Variants in SUCO observed in about 807,000 individuals in gnomAD.
SUCO encodes the protein SUN domain containing ossification factor.
SUCO carries 57 observed loss-of-function variants against 148.1 expected under a neutral mutation model. The observed-to-expected ratio is 0.38, with a 90% CI of 0.31 to 0.48. The LOEUF is 0.48. Among genes scored for constraint, SUCO ranks in the 20% least tolerant of loss-of-function variants. SUCO has a pLI of 0.96. For synonymous variants in SUCO, 470 were observed against 502.7 expected, an observed-to-expected ratio of 0.93 and a Z score of 0.87; for missense variants, 1,331 against 1,468.2, an observed-to-expected ratio of 0.91 and a Z score of 1.53.
rs960252878 is a variant in SUCO at position 172,610,809 on chromosome 1, C to G, written c.*550C>G. 3 of 152,582 alleles carry G rather than the reference C, an allele frequency of 2.0e-5. No homozygotes were observed. Among genetic ancestry groups the G allele is most frequent in the Non-Finnish European group, 4.4e-5 (3 of 68,030 alleles). 9.5% of individuals were successfully genotyped at this position (152,582 alleles called of 1,614,324 possible). ...GATCCTAAAAACTTGCCAACTGGAT[C>G]TTTGTTTAGCAAACTCACTGGAAAT... On this transcript the variant is annotated 3_prime_UTR_variant, in exon 24 of 24. Coordinates refer to ENST00000263688, the MANE Select transcript of SUCO (RefSeq NM_014283.5).
intron 1 of SUCO, among the ~76,000 whole-genome samples, chr1:172,542,314 G>A (rs1373354537): frequency 1.3e-5 from 2 of 152,102 alleles, no homozygotes; most frequent in South Asian, 2.1e-4. Context: ...CCTAGGAGAC[G>A]GAGGTTGCGG....
chr1:172,551,586 A>G lies in SUCO; in HGVS notation c.137A>G (p.Asn46Ser). 6.2e-7 allele frequency: 1 copy of G among 1,609,936 alleles called. No homozygotes were observed. Among genetic ancestry groups the G allele is most frequent in the Non-Finnish European group, 8.5e-7 (1 of 1,177,758 alleles). Residue 46 changes from asparagine to serine, a missense_variant, in exon 2 of 24, where the codon AAC (asparagine) becomes AGC (serine). Asn to Ser is a conservative substitution (Grantham distance 46). Coordinates refer to ENST00000263688, the MANE Select transcript of SUCO (RefSeq NM_014283.5). The stretch of plus-strand genomic sequence containing the variant: ...TCATCATATTACTCTCAAGATGACA[A>G]CTGCGCACTAGAAAATGAAGATGTA... ...SASSYYSQDD[N>S]CALENEDVQF...
At chr1:172,547,417 T>TG (rs1296456718) in intron 1 of SUCO, among the ~76,000 whole-genome samples, 2 of 152,208 alleles carry the variant, frequency 1.3e-5, no homozygotes, top group Admixed American at 1.3e-4. Flanking sequence ...AAAGTAGAAT[T>TG]GCAACTGCTG....
chr1:172,546,570 C>A (rs1571186072), intron 1 of SUCO, among the ~76,000 whole-genome samples: 1 of 152,218 alleles, frequency 6.6e-6, no homozygotes, highest in East Asian at 1.9e-4. Flanking sequence ...CAAGTTTTAA[C>A]CCCCGGTCCC....
chr1:172,547,736 T>TA (rs1159874287), intron 1 of SUCO, among the ~76,000 whole-genome samples: 12 of 152,188 alleles, frequency 7.9e-5, no homozygotes. Context: ...AAAGGAATTC[T>TA]AAAAAAGACA....
rs144129476 is a variant in SUCO, at chr1:172,548,106, G to C, written c.63-3406G>C. Among the ~76,000 whole-genome samples, 111 of 152,024 alleles carry C rather than the reference G, an allele frequency of 7.3e-4. 2 individuals are homozygous for C. The East Asian group carries it at 0.018, about 24-fold the overall frequency. ...GGTTTGAATTTTCTCCTGTGTGTGA[G>C]AAGTTGATAGATCCATTCAAGTTTA... On this transcript the variant is annotated intron_variant, in intron 1 of 23. Transcript: ENST00000263688.
chr1:172,544,511 A>G (rs1652719087), intron 1 of SUCO, among the ~76,000 whole-genome samples: 4 of 152,182 alleles, frequency 2.6e-5, no homozygotes, highest in African/African-American at 9.7e-5. Flanking sequence ...GAAATCAGGA[A>G]AATGTTTTAG....
intron 1 of SUCO, chr1:172,544,150 C>T (rs1052205563): frequency 3.6e-5 from 35 of 978,968 alleles, no homozygotes; most frequent in African/African-American, 1.2e-4. Flanking sequence ...AACCATACTG[C>T]GCTAATTGAG....
At chr1:172,550,554 T>A (rs533259258) in intron 1 of SUCO, among the ~76,000 whole-genome samples, 1 of 152,000 alleles carries the variant, frequency 6.6e-6, no homozygotes, top group African/African-American at 2.4e-5. Flanking sequence ...CACTCATTGT[T>A]TGGAACTACA....
intron 19 of SUCO, among the ~76,000 whole-genome samples, chr1:172,597,920 T>C (rs1174129803): frequency 6.6e-6 from 1 of 152,260 alleles, no homozygotes; most frequent in Non-Finnish European, 1.5e-5. Context: ...TTTCTTATTC[T>C]CTTTACAGTG....
At chr1:172,532,521 G>T (rs1286467829), upstream of SUCO, 1 of 1,613,636 alleles carries the variant, frequency 6.2e-7, no homozygotes. Flanking sequence ...TCAACATCTA[G>T]CTCAATGGGG....
rs375429950 is a variant in SUCO, at chr1:172,585,855, T to C, written c.1568-3T>C. On this transcript the variant is annotated splice_polypyrimidine_tract_variant and splice_region_variant and intron_variant, in intron 16 of 23. Transcript: ENST00000263688. ...TCAACATTGGGCATCTTTCTTAAAATAGGAAATAAAAGTATATCTGAGAAT... is the reference window on the plus strand; with the variant it reads ...TCAACATTGGGCATCTTTCTTAAAACAGGAAATAAAAGTATATCTGAGAAT... 19 of 1,579,928 alleles carry C rather than the reference T, an allele frequency of 1.2e-5. No individual in the cohort carries two copies. In the African/African-American group the frequency reaches 2.0e-4, roughly 17 times the overall value.
At chr1:172,581,697 C>T (rs1310707283) in intron 15 of SUCO, among the ~76,000 whole-genome samples, 1 of 152,106 alleles carries the variant, frequency 6.6e-6, no homozygotes, top group Non-Finnish European at 1.5e-5. Flanking sequence ...GAAATTGGCC[C>T]ATTTTGAAAC....
intron 6 of SUCO, among the ~76,000 whole-genome samples, chr1:172,562,910 C>A (rs1355873282): frequency 2.0e-5 from 3 of 152,080 alleles, no homozygotes; most frequent in Non-Finnish European, 4.4e-5. Context: ...CCTTGCTGTT[C>A]TTGTGATAGT....
chr1:172,542,376 C>T (rs1309477163), intron 1 of SUCO, among the ~76,000 whole-genome samples: 1 of 151,982 alleles, frequency 6.6e-6, no homozygotes. Flanking sequence ...GAGCGAAACT[C>T]CGTCTCAAAA....
At chr1:172,595,560 T>A (rs1253134092) in intron 19 of SUCO, among the ~76,000 whole-genome samples, 1 of 152,194 alleles carries the variant, frequency 6.6e-6, no homozygotes, top group African/African-American at 2.4e-5. Flanking sequence ...GGATATGAAG[T>A]TCTGGGTTGA....
chr1:172,597,607 T>C (rs1657214928), intron 19 of SUCO, among the ~76,000 whole-genome samples: 1 of 152,070 alleles, frequency 6.6e-6, no homozygotes, highest in South Asian at 2.1e-4. Context: ...ATACCTTTTT[T>C]TTCCCCCTAT....
intron 22 of SUCO, chr1:172,608,055 G>A: frequency 2.0e-6 from 2 of 983,700 alleles, no homozygotes; most frequent in Non-Finnish European, 2.4e-6. Context: ...GTGTGGGGGT[G>A]GGGTTGGGAT....
intron 11 of SUCO, among the ~76,000 whole-genome samples, chr1:172,576,022 G>A (rs746484716): frequency 1.3e-5 from 2 of 151,700 alleles, no homozygotes; most frequent in South Asian, 4.2e-4. Context: ...CATCTTTAAC[G>A]TCCACTTATT....
Sources: allele counts gnomAD v4.1 joint callset (sites outside exome capture counted in the v4.1 genomes callset), GRCh38; gene constraint gnomAD v4.1.1; transcripts MANE v1.5; gene names NCBI Gene and HGNC (gene_info 2026-07-23, HGNC 2026-07-21).